The following TMCC3 variants were observed in gnomAD, a reference collection of about 807,000 sequenced individuals.
TMCC3 encodes transmembrane and coiled-coil domain protein 3.
TMCC3 carries 28 observed loss-of-function variants against 40.2 expected under a neutral mutation model. That is an observed-to-expected ratio of 0.70 (90% CI 0.52 to 0.95). The LOEUF is 0.95. Ranked by LOEUF, TMCC3 falls within the 40% of genes least tolerant of loss-of-function variation. The pLI, the probability that TMCC3 is intolerant of heterozygous loss-of-function variation, is 0.00. For missense variants in TMCC3, 554 were observed against 615.2 expected, an observed-to-expected ratio of 0.90 and a Z score of 1.05; for synonymous variants, 255 against 248.5, an observed-to-expected ratio of 1.03 and a Z score of -0.25.
intron 1 of TMCC3, among the ~76,000 whole-genome samples, chr12:94,610,725 T>C (rs2068811191): frequency 1.3e-5 from 2 of 152,230 alleles, no homozygotes; most frequent in African/African-American, 2.4e-5. Flanking sequence ...CTATTCAATC[T>C]AAACTGTTAA....
chr12:94,639,493 T>C (rs903408324), intron 1 of TMCC3, among the ~76,000 whole-genome samples: 1 of 151,944 alleles, frequency 6.6e-6, no homozygotes, highest in Non-Finnish European at 1.5e-5. Flanking sequence ...TGAGGCAGAA[T>C]TGCTTGAACC....
intron 1 of TMCC3, among the ~76,000 whole-genome samples, chr12:94,595,107 T>C (rs2068707628): frequency 6.6e-6 from 1 of 152,324 alleles, no homozygotes; most frequent in Middle Eastern, 3.4e-3. Flanking sequence ...GAATCAAACG[T>C]AGAGTAACTG....
intron 1 of TMCC3, among the ~76,000 whole-genome samples, chr12:94,626,212 T>G (rs1167441396): frequency 6.6e-6 from 1 of 152,208 alleles, no homozygotes; most frequent in Non-Finnish European, 1.5e-5. Flanking sequence ...GCCCCCATAA[T>G]CCAATCACTT....
intron 1 of TMCC3, among the ~76,000 whole-genome samples, chr12:94,583,807 T>C (rs2068621690): frequency 6.6e-6 from 1 of 152,236 alleles, no homozygotes; most frequent in African/African-American, 2.4e-5. Flanking sequence ...ACTGTAACCC[T>C]CTTTCCATGT....
At chr12:94,573,978 A>T (rs972872921) in intron 3 of TMCC3, among the ~76,000 whole-genome samples, 2 of 152,196 alleles carry the variant, frequency 1.3e-5, no homozygotes, top group Admixed American at 6.5e-5. Context: ...TGAGGACAGG[A>T]ACTAGCCCAT....
intron 3 of TMCC3, among the ~76,000 whole-genome samples, chr12:94,577,300 C>T (rs1011425669): frequency 3.9e-5 from 6 of 152,012 alleles, no homozygotes; most frequent in African/African-American, 9.7e-5. Context: ...GCAATTCTCC[C>T]GCCTCAGCCT....
In TMCC3 at chr12:94,567,437, A is replaced by G. The variant is rs1027114476; in HGVS notation, c.*3998T>C. The stretch of plus-strand genomic sequence containing the variant: ...GACAAACACAGTAGACATGCTTTAA[A>G]TAAATTAAAATTGCAACACATAAAT... On this transcript the variant is annotated 3_prime_UTR_variant, in exon 4 of 4. Coordinates refer to ENST00000261226, the MANE Select transcript of TMCC3 (RefSeq NM_020698.4). 6.6e-6 allele frequency: 1 copy of G among 152,220 alleles called. No individual in the cohort carries two copies. Among genetic ancestry groups the G allele is most frequent in the African/African-American group, 2.4e-5 (1 of 41,452 alleles). The allele number at this position is 152,220 out of a possible 1,614,324, so 9.4% of individuals were successfully genotyped here.
intron 1 of TMCC3, among the ~76,000 whole-genome samples, chr12:94,645,775 C>A (rs1183127808): frequency 3.9e-5 from 6 of 152,136 alleles, no homozygotes; most frequent in Admixed American, 3.9e-4. Context: ...GTTGAGCATT[C>A]CAAATAGAAA....
At chr12:94,619,276 A>T (rs1185879337) in intron 1 of TMCC3, among the ~76,000 whole-genome samples, 2 of 152,190 alleles carry the variant, frequency 1.3e-5, no homozygotes, top group Admixed American at 1.3e-4. Flanking sequence ...TGCCTGATCT[A>T]GAGCAGGATT....
At chr12:94,639,443 C>T (rs2068977319) in intron 1 of TMCC3, among the ~76,000 whole-genome samples, 1 of 151,976 alleles carries the variant, frequency 6.6e-6, no homozygotes, top group African/African-American at 2.4e-5. Context: ...AATTAGCTGG[C>T]ATGGTGGTGG....
chr12:94,568,143 AG>A lies in TMCC3; in HGVS notation c.*3291del, dbSNP rs1329437335. The A allele has an allele frequency of 4.6e-5, 7 of 152,210 alleles. No individual in the cohort carries two copies. The highest frequency in any genetic ancestry group is 1.7e-4 in the African/African-American group (7 of 41,454). The allele number at this position is 152,210 out of a possible 1,614,324, so 9.4% of individuals were successfully genotyped here. On this transcript the variant is annotated 3_prime_UTR_variant, in exon 4 of 4. Coordinates refer to ENST00000261226, the MANE Select transcript of TMCC3 (RefSeq NM_020698.4). ...GATTTCCTTCTGTGAATAGCTGACA[AG>A]GATCACGCAGGCAAAAATGCTACCG...
intron 1 of TMCC3, among the ~76,000 whole-genome samples, chr12:94,622,987 C>T (rs2068883742): frequency 1.3e-5 from 2 of 152,100 alleles, no homozygotes; most frequent in South Asian, 2.1e-4. Flanking sequence ...AAATAAATAC[C>T]TAGGCAAAGA....
At chr12:94,616,743 CAGTT>C (rs1410485208) in intron 1 of TMCC3, among the ~76,000 whole-genome samples, 1 of 152,204 alleles carries the variant, frequency 6.6e-6, no homozygotes, top group Non-Finnish European at 1.5e-5. Context: ...GAAGGTGAAT[CAGTT>C]AGACAGAGAA....
At chr12:94,590,260 ATTTTTTTTTTTTTT>A (rs72186655) in intron 1 of TMCC3, among the ~76,000 whole-genome samples, 1 of 85,358 alleles carries the variant, frequency 1.2e-5, no homozygotes, top group East Asian at 3.3e-4. Flanking sequence ...CGCCCTGCTA[ATTTTTTTTTTTTTT>A]TTTTTTTTTT....
chr12:94,631,499 G>A (rs1359927283), intron 1 of TMCC3, among the ~76,000 whole-genome samples: 1 of 152,010 alleles, frequency 6.6e-6, no homozygotes, highest in Non-Finnish European at 1.5e-5. Flanking sequence ...GAGAAAGACG[G>A]CCACCTACAA....
chr12:94,604,800 T>A, intron 1 of TMCC3, among the ~76,000 whole-genome samples: 2 of 48,638 alleles, frequency 4.1e-5, no homozygotes, highest in African/African-American at 1.0e-4. Flanking sequence ...TGAGACTTCA[T>A]CTCAAAAAAA....
chr12:94,571,321 T>A lies in TMCC3; in HGVS notation c.*114A>T. On this transcript the variant is annotated 3_prime_UTR_variant, in exon 4 of 4. Coordinates refer to ENST00000261226, the MANE Select transcript of TMCC3 (RefSeq NM_020698.4). ...TGTAGTTATTTACACCACACAGTCCTAGTTTTTCTTACACACGAGTCCGCA... is the reference window on the plus strand; with the variant it reads ...TGTAGTTATTTACACCACACAGTCCAAGTTTTTCTTACACACGAGTCCGCA... 2.8e-6 allele frequency: 3 copies of A among 1,078,032 alleles called. No individual in the cohort carries two copies. The highest frequency in any genetic ancestry group is 4.0e-6 in the Non-Finnish European group (3 of 748,306). The allele number at this position is 1,078,032 out of a possible 1,614,324, so 66.8% of individuals were successfully genotyped here. A position where few individuals can be genotyped will look rare whatever the true frequency, so the allele number is the denominator to read the frequency against.
intron 1 of TMCC3, among the ~76,000 whole-genome samples, chr12:94,615,139 T>C (rs910418709): frequency 6.6e-6 from 1 of 152,234 alleles, no homozygotes; most frequent in Non-Finnish European, 1.5e-5. Context: ...AATATTTTAA[T>C]GTTCAGGGAA....
intron 1 of TMCC3, among the ~76,000 whole-genome samples, chr12:94,585,943 A>G (rs1188967639): frequency 1.3e-5 from 2 of 152,194 alleles, no homozygotes; most frequent in African/African-American, 4.8e-5. Flanking sequence ...GAGGCTGTCA[A>G]TAAATGTTTG....
Sources: gnomAD v4.1 joint callset for allele counts (sites outside exome capture counted in the v4.1 genomes callset) on GRCh38, gnomAD v4.1.1 for gene constraint, MANE v1.5 for transcripts, NCBI Gene and HGNC (gene_info 2026-07-23, HGNC 2026-07-21) for gene names.